OTOGL: variants seen among roughly 807,000 people sequenced by gnomAD.
The protein encoded by OTOGL is otogelin-like protein.
OTOGL carries 285 observed loss-of-function variants against 318.5 expected under a neutral mutation model. The ratio of observed to expected loss-of-function variants is 0.89; its 90% CI spans 0.81 to 0.99. OTOGL has a LOEUF of 0.99. OTOGL is among the 50% of genes least tolerant of loss of function. The pLI is 0.00. For synonymous variants in OTOGL, 987 were observed against 936.5 expected (o/e 1.05, Z -0.99); for missense variants, 2,899 against 2,845.6 (o/e 1.02, Z -0.43).
chr12:80,214,433 G>T (rs754561835), intron 4 of OTOGL, among the ~76,000 whole-genome samples: 11 of 152,290 alleles, frequency 7.2e-5, no homozygotes, highest in African/African-American at 1.2e-4. Flanking sequence ...CTCCAGGAAG[G>T]CACTTTCTAT....
chr12:80,235,107 A>G (rs945818197), intron 9 of OTOGL, among the ~76,000 whole-genome samples: 9 of 151,948 alleles, frequency 5.9e-5, no homozygotes, highest in South Asian at 2.1e-4. Context: ...TTTCTTCTGT[A>G]TCAAAGCTTC....
intron 30 of OTOGL, 131 bp downstream of exon 30, chr12:80,310,858 G>A (rs761141975): frequency 1.6e-5 from 10 of 633,902 alleles, no homozygotes; most frequent in Admixed American, 3.5e-5. Flanking sequence ...TTGTTAGGGG[G>A]GCATATGTGT....
intron 1 of OTOGL, among the ~76,000 whole-genome samples, chr12:80,136,637 G>A (rs538202319): frequency 6.6e-6 from 1 of 152,184 alleles, no homozygotes; most frequent in African/African-American, 2.4e-5. Flanking sequence ...CTTCTACCTG[G>A]ACCATAATTT....
intron 13 of OTOGL, 40 bp from the exon 14 acceptor site, chr12:80,253,426 A>C: frequency 6.6e-7 from 1 of 1,510,368 alleles, no homozygotes; most frequent in Non-Finnish European, 9.2e-7. Context: ...AATCTTTATT[A>C]TTTCTTTTGA....
intron 27 of OTOGL, among the ~76,000 whole-genome samples, chr12:80,301,690 C>G (rs147093468): frequency 6.6e-6 from 1 of 152,152 alleles, no homozygotes; most frequent in Non-Finnish European, 1.5e-5. Flanking sequence ...TTGCAAGAAG[C>G]CTTATGGAGT....
intron 57 of OTOGL, among the ~76,000 whole-genome samples, chr12:80,372,841 A>T (rs1320874957): frequency 6.6e-6 from 1 of 152,008 alleles, no homozygotes; most frequent in Non-Finnish European, 1.5e-5. Flanking sequence ...CGCATGCGCC[A>T]TCACGTCCGG....
chr12:80,186,160 T>A (rs2137250417), intron 1 of OTOGL, among the ~76,000 whole-genome samples: 1 of 152,336 alleles, frequency 6.6e-6, no homozygotes, highest in East Asian at 1.9e-4. Context: ...GAAAATGTGT[T>A]CAAAACCAAA....
chr12:80,311,924 C>A (rs552519601), intron 30 of OTOGL, among the ~76,000 whole-genome samples: 1 of 152,138 alleles, frequency 6.6e-6, no homozygotes, highest in South Asian at 2.1e-4. Context: ...TGTATATAAT[C>A]AAGTGTGTCA....
chr12:80,132,329 G>A (rs1383557082), intron 1 of OTOGL: 4 of 151,996 alleles, frequency 2.6e-5, no homozygotes, highest in Admixed American at 2.0e-4. Flanking sequence ...TAGTCTTATA[G>A]GCTACTCTTA....
intron 4 of OTOGL, among the ~76,000 whole-genome samples, chr12:80,217,299 G>A (rs1356441312): frequency 2.0e-5 from 3 of 151,882 alleles, no homozygotes; most frequent in African/African-American, 7.3e-5. Context: ...AAGACTGGAT[G>A]ATGGGAAGGG....
rs377341117 is a variant in OTOGL at position 80,222,066 on chromosome 12, A to T, written c.335-25A>T. The T allele has an allele frequency of 1.9e-6, 3 of 1,575,574 alleles. No homozygotes were observed. In the African/African-American group the frequency reaches 4.1e-5, roughly 21 times the overall value. On this transcript the variant is annotated intron_variant, in intron 6 of 58. Transcript: ENST00000547103. The stretch of plus-strand genomic sequence containing the variant: ...GAAACGTGTAATTTATTTTGCCTAC[A>T]AAATATTATCCTGTTTCTTTTCAGT...
At chr12:80,182,565 G>T (rs533126144) in intron 1 of OTOGL, among the ~76,000 whole-genome samples, 1 of 152,334 alleles carries the variant, frequency 6.6e-6, no homozygotes, top group East Asian at 1.9e-4. Context: ...GCATAAATGA[G>T]AATAGGTGGC....
chr12:80,357,635 G>C (rs1889991374), intron 49 of OTOGL, among the ~76,000 whole-genome samples: 1 of 152,106 alleles, frequency 6.6e-6, no homozygotes, highest in Non-Finnish European at 1.5e-5. Flanking sequence ...GAAACCAGCT[G>C]TTCTAGGTAG....
At chr12:80,197,996 A>G (rs1283118986) in intron 1 of OTOGL, among the ~76,000 whole-genome samples, 6 of 152,030 alleles carry the variant, frequency 3.9e-5, no homozygotes, top group African/African-American at 1.2e-4. Flanking sequence ...TTCATTTTGT[A>G]TGTTTGAAGC....
rs1887498583 is a variant in OTOGL, at chr12:80,323,739, G to A, written c.4098G>A (p.Val1366=). The change falls in exon 35 of 59, where the codon GTG becomes GTA. Residue 1366 remains valine (V), a synonymous_variant. Transcript: ENST00000547103. ...SFSIEEIQAA[V]PYRKMCEWRY... ...TTTTCCCAGAAATCCAGGCAGCAGT[G>A]CCTTACAGGAAGATGTGTGAATGGA... 6.2e-7 allele frequency: 1 copy of A among 1,613,650 alleles called. No homozygotes were observed. Among genetic ancestry groups the A allele is most frequent in the Non-Finnish European group, 8.5e-7 (1 of 1,179,596 alleles).
At chr12:80,134,526 G>A (rs1871428812) in intron 1 of OTOGL, among the ~76,000 whole-genome samples, 1 of 152,140 alleles carries the variant, frequency 6.6e-6, no homozygotes, top group African/African-American at 2.4e-5. Flanking sequence ...TCCACTCACA[G>A]TTTTATGTTT....
At chr12:80,197,222 T>A (rs1336067116) in intron 1 of OTOGL, among the ~76,000 whole-genome samples, 1 of 152,166 alleles carries the variant, frequency 6.6e-6, no homozygotes, top group African/African-American at 2.4e-5. Flanking sequence ...TAAATGTATT[T>A]GATTGATGGC....
At chr12:80,140,628 C>T (rs1871872456) in intron 1 of OTOGL, among the ~76,000 whole-genome samples, 1 of 152,186 alleles carries the variant, frequency 6.6e-6, no homozygotes, top group Non-Finnish European at 1.5e-5. Context: ...TCTCTCTGTG[C>T]TTCAGTCTCC....
At chr12:80,362,014 T>C (rs2138053366) in intron 52 of OTOGL, among the ~76,000 whole-genome samples, 1 of 152,302 alleles carries the variant, frequency 6.6e-6, no homozygotes, top group Admixed American at 6.5e-5. Flanking sequence ...TTTTCTTTTG[T>C]TGTCTCTACA....
Sources: gnomAD v4.1 joint callset for allele counts (sites outside exome capture counted in the v4.1 genomes callset) on GRCh38, gnomAD v4.1.1 for gene constraint, MANE v1.5 for transcripts, NCBI Gene and HGNC (gene_info 2026-07-23, HGNC 2026-07-21) for gene names.